Variants in RNF4 observed in about 807,000 individuals in gnomAD.
The protein encoded by RNF4 is ring finger protein 4.
Under a neutral mutation model 24.3 loss-of-function variants are expected in RNF4, and 7 were observed. The observed-to-expected ratio is 0.29, with a 90% CI of 0.16 to 0.54. The LOEUF is 0.54. Ranked by LOEUF, RNF4 falls within the 20% of genes least tolerant of loss-of-function variation. RNF4 has a pLI of 0.95. For missense variants in RNF4, 209 were observed against 248.5 expected (o/e 0.84, Z 1.07); for synonymous variants, 83 against 84.3 (o/e 0.98, Z 0.09).
chr4:2,510,049 C>G (rs1246059328), intron 4 of RNF4, among the ~76,000 whole-genome samples: 1 of 152,150 alleles, frequency 6.6e-6, no homozygotes, highest in African/African-American at 2.4e-5. Flanking sequence ...CTGATTGTCC[C>G]CAGATTTCCC....
intron 1 of RNF4, among the ~76,000 whole-genome samples, chr4:2,484,661 T>TG (rs968792803): frequency 3.4e-5 from 5 of 148,330 alleles, no homozygotes; most frequent in East Asian, 2.1e-4. Context: ...ATAGCTTTAT[T>TG]GGGGGGGACC....
chr4:2,506,594 G>T (rs1322148078), intron 4 of RNF4, among the ~76,000 whole-genome samples: 1 of 150,124 alleles, frequency 6.7e-6, no homozygotes. Context: ...TTGAAACAGG[G>T]TCTCACTTTG....
intron 1 of RNF4, among the ~76,000 whole-genome samples, chr4:2,472,316 A>G (rs1298020872): frequency 6.6e-6 from 1 of 152,196 alleles, no homozygotes; most frequent in Non-Finnish European, 1.5e-5. Context: ...AGAAAAAAAG[A>G]TTTCTTTCAA....
intron 1 of RNF4, among the ~76,000 whole-genome samples, chr4:2,474,372 A>G (rs1215535091): frequency 1.5e-5 from 2 of 132,182 alleles, no homozygotes; most frequent in African/African-American, 3.2e-5. Flanking sequence ...ACAGAACGAG[A>G]CTCTGTCTCA....
At chr4:2,493,640 A>G (rs1209061165) in intron 2 of RNF4, among the ~76,000 whole-genome samples, 1 of 145,760 alleles carries the variant, frequency 6.9e-6, no homozygotes, top group Non-Finnish European at 1.5e-5. Context: ...GCTACTCGGG[A>G]GGCTGAGGCA....
chr4:2,490,851 A>C, intron 2 of RNF4: 1 of 188,042 alleles, frequency 5.3e-6, no homozygotes, highest in Non-Finnish European at 1.1e-5. Flanking sequence ...GTGTAATCTC[A>C]ACACTTGGAG....
rs759647204 is a variant in RNF4, at chr4:2,512,654, G to A, written c.374+57G>A. 99 of 1,587,480 alleles carry A rather than the reference G, an allele frequency of 6.2e-5. No homozygotes were observed. The highest frequency in any genetic ancestry group is 8.2e-5 in the Non-Finnish European group (96 of 1,165,724). ...ATGCTAGGATGTGGGGCCAGGGCAT[G>A]GGAATACTTTTCAGCAAATCTGTGA... On this transcript the variant is annotated intron_variant, in intron 6 of 7. Coordinates refer to ENST00000314289, the MANE Select transcript of RNF4 (RefSeq NM_002938.5). This position sits in a 1 kb window ranked among gnomAD's most constrained non-coding sequence, Gnocchi z 4.1.
chr4:2,498,345 G>A (rs1187098831), intron 3 of RNF4, among the ~76,000 whole-genome samples: 7 of 151,952 alleles, frequency 4.6e-5, no homozygotes, highest in Admixed American at 4.6e-4. Flanking sequence ...CACCACACCC[G>A]GCTAAATTTT....
chr4:2,493,993 C>T (rs966043138), intron 2 of RNF4, among the ~76,000 whole-genome samples: 3 of 151,690 alleles, frequency 2.0e-5, no homozygotes, highest in Admixed American at 2.0e-4. Context: ...CAGGTGCATG[C>T]CACCACGCCC....
chr4:2,486,432 TGA>T (rs1735410063), intron 1 of RNF4, among the ~76,000 whole-genome samples: 1 of 152,160 alleles, frequency 6.6e-6, no homozygotes, highest in Non-Finnish European at 1.5e-5. Context: ...AGTGCCCTGG[TGA>T]AATCCAGCCT....
At chr4:2,511,050 C>A (rs776552765) in intron 4 of RNF4, among the ~76,000 whole-genome samples, 39 of 152,242 alleles carry the variant, frequency 2.6e-4, no homozygotes, top group Non-Finnish European at 5.0e-4. Flanking sequence ...CATGAAGGCT[C>A]CACCTTGGCA....
intron 4 of RNF4, 103 bp downstream of exon 4, chr4:2,500,841 C>T: frequency 9.5e-7 from 1 of 1,052,454 alleles, no homozygotes; most frequent in Non-Finnish European, 1.4e-6. Context: ...AAGGTTACAG[C>T]TTATGCTAAA....
chr4:2,496,758 C>T (rs1457451835), intron 2 of RNF4, among the ~76,000 whole-genome samples: 1 of 152,048 alleles, frequency 6.6e-6, no homozygotes, highest in East Asian at 1.9e-4. Context: ...CATGCCCAGC[C>T]GACCTGCTGA....
rs1231589929 is a variant in RNF4, at chr4:2,514,700, C to T, written c.*881C>T. Reference sequence around the variant, plus strand: ...CGTGTTTGCCACACGCCCTCCAGTCCTCAGTTCCCACTGCCTAACGTCTGC... The same window carrying T: ...CGTGTTTGCCACACGCCCTCCAGTCTTCAGTTCCCACTGCCTAACGTCTGC... On this transcript the variant is annotated 3_prime_UTR_variant, in exon 8 of 8. Coordinates refer to ENST00000314289, the MANE Select transcript of RNF4 (RefSeq NM_002938.5). 1.3e-5 allele frequency: 2 copies of T among 152,750 alleles called. No homozygotes were observed. The highest frequency in any genetic ancestry group is 4.8e-5 in the African/African-American group (2 of 41,458). 9.5% of individuals were successfully genotyped at this position (152,750 alleles called of 1,614,324 possible). A position where few individuals can be genotyped will look rare whatever the true frequency, so the allele number is the denominator to read the frequency against.
chr4:2,477,156 A>G (rs899338320), intron 1 of RNF4, among the ~76,000 whole-genome samples: 1 of 152,112 alleles, frequency 6.6e-6, no homozygotes, highest in African/African-American at 2.4e-5. Context: ...AGGTGCTGAT[A>G]TGGTTTGGCT....
intron 4 of RNF4, among the ~76,000 whole-genome samples, chr4:2,504,019 C>G (rs1049984460): frequency 6.6e-6 from 1 of 152,024 alleles, no homozygotes; most frequent in African/African-American, 2.4e-5. Context: ...GAGTTCAAGG[C>G]AAGCCTGGGC....
At position 2,504,524 on chromosome 4, in the gene RNF4, T is replaced by TTTATTTA. The variant is rs1560411814; in HGVS notation, c.204+3788_204+3789insATTTATT. On this transcript the variant is annotated intron_variant, in intron 4 of 7. Coordinates refer to ENST00000314289, the MANE Select transcript of RNF4 (RefSeq NM_002938.5). ...GTTTAAAACTTCTTTGTTTTATAGC[T>TTTATTTA]TTTATTTATTTATTTATTTATTTAT... Among the ~76,000 whole-genome samples, 388 of 140,860 alleles carry TTTATTTA rather than the reference T, an allele frequency of 2.8e-3. 1 individual carries two copies. The highest frequency in any genetic ancestry group is 9.5e-3 in the African/African-American group (365 of 38,422). 92.4% of individuals were successfully genotyped at this position (140,860 alleles called of 152,430 possible). A position where few individuals can be genotyped will look rare whatever the true frequency, so the allele number is the denominator to read the frequency against.
At chr4:2,499,292 GTTGT>G (rs749398246) in intron 3 of RNF4, 11 of 451,636 alleles carry the variant, frequency 2.4e-5, no homozygotes, top group Admixed American at 9.5e-5. Context: ...TGTTGTTGTT[GTTGT>G]TTGTTTGTTT....
chr4:2,512,733 T>G lies in RNF4; in HGVS notation c.374+136T>G. The G allele has an allele frequency of 1.9e-6, 2 of 1,031,522 alleles. No homozygotes were observed. The highest frequency in any genetic ancestry group is 2.8e-6 in the Non-Finnish European group (2 of 721,590). The allele number at this position is 1,031,522 out of a possible 1,614,324, so 63.9% of individuals were successfully genotyped here. On this transcript the variant is annotated intron_variant, in intron 6 of 7. Transcript: ENST00000314289. The surrounding 1 kb of genome is among the most constrained non-coding windows in gnomAD (Gnocchi z 4.1). ...GCCTCTACCCAGCATCTGGATACAGTTGGAACTGGGTCCAGAACTGAGTCC... is the reference window on the plus strand; with the variant it reads ...GCCTCTACCCAGCATCTGGATACAGGTGGAACTGGGTCCAGAACTGAGTCC...
Sources: allele counts gnomAD v4.1 joint callset (sites outside exome capture counted in the v4.1 genomes callset), GRCh38; gene constraint gnomAD v4.1.1; non-coding constraint Gnocchi (gnomAD v3.1); transcripts MANE v1.5; gene names NCBI Gene and HGNC (gene_info 2026-07-23, HGNC 2026-07-21).